TTLL12: variants seen among roughly 807,000 people sequenced by gnomAD.
TTLL12 encodes tubulin--tyrosine ligase-like protein 12.
TTLL12 carries 77 observed loss-of-function variants against 79.6 expected under a neutral mutation model. That is an observed-to-expected ratio of 0.97 (90% CI 0.81 to 1.17). TTLL12 has a LOEUF of 1.17. Among genes scored for constraint, TTLL12 ranks in the 50% most tolerant of loss-of-function variants. The probability of loss-of-function intolerance (pLI) is 0.00; values close to 1 mark genes in which losing one functional copy is unlikely to be tolerated. For missense variants in TTLL12, 969 were observed against 895.9 expected (o/e 1.08, Z -1.04); for synonymous variants, 437 against 376.1 (o/e 1.16, Z -1.87).
intron 9 of TTLL12, among the ~76,000 whole-genome samples, chr22:43,173,208 C>T (rs1273467000): frequency 9.2e-5 from 14 of 152,110 alleles, no homozygotes; most frequent in Admixed American, 9.2e-4. Context: ...TGAATCTTTA[C>T]CACGGCTCTG....
intron 5 of TTLL12, among the ~76,000 whole-genome samples, chr22:43,177,152 G>A (rs1288794586): frequency 1.3e-5 from 2 of 152,098 alleles, no homozygotes; most frequent in Non-Finnish European, 2.9e-5. Flanking sequence ...AGGAGTACCT[G>A]AGCCCAGGTG....
chr22:43,184,480 A>G (rs1280127088), intron 1 of TTLL12, among the ~76,000 whole-genome samples: 1 of 152,252 alleles, frequency 6.6e-6, no homozygotes, highest in East Asian at 1.9e-4. Context: ...AGATTTAAAC[A>G]TGAGGCTACG....
Position 43,180,726 on chromosome 22 carries a change from CCAG to C in TTLL12, c.546+13_546+15del. ...TGCCTGTCCTCCCCCTCCCCGGGGC[CCAG>C]CTACCCACTCACCCCATGGGCCAGC... On this transcript the variant is annotated intron_variant, in intron 3 of 13. Coordinates refer to ENST00000216129, the MANE Select transcript of TTLL12 (RefSeq NM_015140.4). 4 of 1,612,172 alleles carry C rather than the reference CCAG, an allele frequency of 2.5e-6. No homozygotes were observed. The highest frequency in any genetic ancestry group is 3.4e-6 in the Non-Finnish European group (4 of 1,179,530).
chr22:43,176,451 C>T (rs555293146), intron 5 of TTLL12, 55 bp from the exon 6 acceptor site: 29 of 1,442,626 alleles, frequency 2.0e-5, no homozygotes, highest in African/African-American at 1.1e-4. Flanking sequence ...AGGGAAAGGC[C>T]GGCCGTGGTG....
rs755506074 is a variant in TTLL12 at position 43,179,613 on chromosome 22, C to T, written c.840+6G>A. Reference sequence around the variant, plus strand: ...GACAGGCCTGGTGGGTGGAGGAGGGCTGCACCTGGTAGTGCTCGGCGGGCG... The same window carrying T: ...GACAGGCCTGGTGGGTGGAGGAGGGTTGCACCTGGTAGTGCTCGGCGGGCG... On this transcript the variant is annotated splice_donor_region_variant and intron_variant, in intron 5 of 13. Coordinates refer to ENST00000216129, the MANE Select transcript of TTLL12 (RefSeq NM_015140.4). 4.5e-6 allele frequency: 7 copies of T among 1,572,578 alleles called. No individual in the cohort carries two copies. In the South Asian group the frequency reaches 7.0e-5, roughly 16 times the overall value.
chr22:43,174,357 A>G lies in TTLL12; in HGVS notation c.1081T>C (p.Cys361Arg), dbSNP rs1419383585. ...TCCTTGACAGTCAGCAGGTTCTCGC[A>G]GGGGAACTGGTTCAGCAGCACGCCT... ...RPGVLLNQFP[C>R]ENLLTVKDCL... The change falls in exon 8 of 14, where the codon TGC (cysteine) becomes CGC (arginine). Residue 361 changes from cysteine (C) to arginine (R), a missense_variant. By Grantham distance (180) the Cys-to-Arg change is radical. Coordinates refer to ENST00000216129, the MANE Select transcript of TTLL12 (RefSeq NM_015140.4). 23 of 1,592,056 alleles carry G rather than the reference A, an allele frequency of 1.4e-5. No individual in the cohort carries two copies. Among genetic ancestry groups the G allele is most frequent in the Non-Finnish European group, 1.8e-5 (21 of 1,166,242 alleles).
chr22:43,168,993 C>A, intron 12 of TTLL12, 81 bp from the exon 13 acceptor site: 1 of 1,486,240 alleles, frequency 6.7e-7, no homozygotes, highest in Non-Finnish European at 8.9e-7. Context: ...GCCCAAGTCC[C>A]GGGCCCCACG....
intron 1 of TTLL12, 49 bp from the exon 2 acceptor site, chr22:43,183,198 C>A: frequency 6.2e-7 from 1 of 1,604,078 alleles, no homozygotes. Flanking sequence ...GAGACCCCAC[C>A]CCAATGCCTT....
intron 5 of TTLL12, among the ~76,000 whole-genome samples, chr22:43,178,323 AT>A (rs34712260): frequency 0.18 from 22,411 of 125,180 alleles, 2,372 homozygotes; most frequent in African/African-American, 0.35. Flanking sequence ...CGCCCGCTCT[AT>A]TTTTTTTTTT....
At chr22:43,172,616 A>G in intron 9 of TTLL12, 62 bp from the exon 10 acceptor site, 1 of 1,596,112 alleles carries the variant, frequency 6.3e-7, no homozygotes, top group East Asian at 2.2e-5. Context: ...GCTCCCGAGC[A>G]CACAAAGCCA....
chr22:43,183,507 G>C (rs1932110350), intron 1 of TTLL12, among the ~76,000 whole-genome samples: 1 of 152,234 alleles, frequency 6.6e-6, no homozygotes, highest in Non-Finnish European at 1.5e-5. Context: ...CAAAGGCAGA[G>C]AGGGTGGCTC....
At chr22:43,176,548 G>T in intron 5 of TTLL12, 152 bp from the exon 6 acceptor site, 1 of 666,336 alleles carries the variant, frequency 1.5e-6, no homozygotes, top group South Asian at 1.7e-5. Context: ...TGGCCAACAT[G>T]GCAAAATCCC....
At chr22:43,169,438 T>C in intron 12 of TTLL12, 62 bp downstream of exon 12, 2 of 1,412,058 alleles carry the variant, frequency 1.4e-6, no homozygotes, top group Admixed American at 4.7e-5. Context: ...GAGCAGCTCC[T>C]GCAGGCCCCC....
chr22:43,170,869 A>G (rs1470494338), intron 11 of TTLL12, among the ~76,000 whole-genome samples: 2 of 152,218 alleles, frequency 1.3e-5, no homozygotes, highest in Non-Finnish European at 1.5e-5. Flanking sequence ...AGCCCAGATC[A>G]TGCCTCCGCA....
In TTLL12 at chr22:43,167,734, A is replaced by C; in HGVS notation, c.*274T>G. 2.9e-4 allele frequency: 92 copies of C among 317,370 alleles called. No individual in the cohort carries two copies. The highest frequency in any genetic ancestry group is 1.9e-3 in the Middle Eastern group (2 of 1,054). The allele number at this position is 317,370 out of a possible 1,614,324, so 19.7% of individuals were successfully genotyped here. On this transcript the variant is annotated 3_prime_UTR_variant, in exon 14 of 14. Coordinates refer to ENST00000216129, the MANE Select transcript of TTLL12 (RefSeq NM_015140.4). ...CCCTTGGCTAAACTGGAGACTCATC[A>C]GTGCACAGATGGTGGTGAGGGGTGA...
chr22:43,186,840 C>A, intron 1 of TTLL12, 53 bp downstream of exon 1: 1 of 1,237,430 alleles, frequency 8.1e-7, no homozygotes, highest in Non-Finnish European at 1.0e-6. Flanking sequence ...GCCGCGGGCT[C>A]CCGCCGCGCT....
chr22:43,186,189 ACC>A (rs59941359), intron 1 of TTLL12, among the ~76,000 whole-genome samples: 4,759 of 82,214 alleles, frequency 0.058, 320 homozygotes, highest in South Asian at 0.16. Context: ...TAAAGAAAAC[ACC>A]CCCCCCCCCG....
At chr22:43,170,267 C>T in intron 11 of TTLL12, 1 of 275,874 alleles carries the variant, frequency 3.6e-6, no homozygotes, top group Non-Finnish European at 7.1e-6. Flanking sequence ...TGTCCTGGGG[C>T]CCTGCTGGGG....
In TTLL12 at chr22:43,183,175, G is replaced by C. The variant is rs201419191; in HGVS notation, c.178-26C>G. On this transcript the variant is annotated intron_variant, in intron 1 of 13. Transcript: ENST00000216129. ...CTGGGGGCCAGAGTTCCCGTCAGCAGGGGTGTGGGCAGGAGACCCCACCCC... is the reference window on the plus strand; with the variant it reads ...CTGGGGGCCAGAGTTCCCGTCAGCACGGGTGTGGGCAGGAGACCCCACCCC... 22 of 1,612,570 alleles carry C rather than the reference G, an allele frequency of 1.4e-5. No homozygotes were observed. The East Asian group carries it at 4.9e-4, about 36-fold the overall frequency.
Sources: allele counts gnomAD v4.1 joint callset (sites outside exome capture counted in the v4.1 genomes callset), GRCh38; gene constraint gnomAD v4.1.1; transcripts MANE v1.5; gene names NCBI Gene and HGNC (gene_info 2026-07-23, HGNC 2026-07-21).